The following ITPR2 variants were observed in gnomAD, a reference collection of about 807,000 sequenced individuals.
ITPR2 encodes the protein inositol 1,4,5-trisphosphate-gated calcium channel ITPR2.
Under a neutral mutation model 317.1 loss-of-function variants are expected in ITPR2, and 207 were observed. The observed-to-expected ratio is 0.65, with a 90% CI of 0.58 to 0.73. The LOEUF (loss-of-function observed/expected upper bound fraction) is 0.73. ITPR2 is among the 30% of genes least tolerant of loss of function. ITPR2 has a pLI of 0.00. For missense variants in ITPR2, 2,613 were observed against 3,284.0 expected (o/e 0.80, Z 4.99); for synonymous variants, 1,156 against 1,149.1 (o/e 1.01, Z -0.12).
chr12:26,497,984 C>T (rs949110668), intron 37 of ITPR2, among the ~76,000 whole-genome samples: 6 of 152,324 alleles, frequency 3.9e-5, no homozygotes, highest in African/African-American at 1.2e-4. Context: ...AATCTGCCGG[C>T]CTCAGCCTCC....
intron 10 of ITPR2, among the ~76,000 whole-genome samples, chr12:26,692,985 A>G (rs1948267943): frequency 6.6e-6 from 1 of 152,228 alleles, no homozygotes; most frequent in African/African-American, 2.4e-5. Flanking sequence ...TTTCTTCTTT[A>G]GACAGAAAAA....
Position 26,563,647 on chromosome 12 carries a change from T to C in ITPR2, c.4631-1695A>G, listed in dbSNP as rs557277004. Among the ~76,000 whole-genome samples the C allele has an allele frequency of 3.3e-5, 5 of 152,222 alleles. No individual in the cohort carries two copies. In the East Asian group the frequency reaches 9.6e-4, roughly 29 times the overall value. ...ATTCTCCAACTCCTGCGCAAAGCCC[T>C]CCTTACTTAACATTTACTGGTGTTC... On this transcript the variant is annotated intron_variant, in intron 34 of 56. Transcript: ENST00000381340.
chr12:26,688,358 C>T (rs1414426703), intron 10 of ITPR2, among the ~76,000 whole-genome samples: 1 of 152,056 alleles, frequency 6.6e-6, no homozygotes, highest in African/African-American at 2.4e-5. Context: ...TGAATTTATA[C>T]AAAGCTTCTC....
At chr12:26,770,222 C>G (rs980367586) in intron 2 of ITPR2, among the ~76,000 whole-genome samples, 2 of 152,158 alleles carry the variant, frequency 1.3e-5, no homozygotes, top group East Asian at 3.8e-4. Flanking sequence ...AGGTCTTTCT[C>G]CATCTTCCCA....
intron 37 of ITPR2, among the ~76,000 whole-genome samples, chr12:26,538,565 TTTTC>T (rs1944166444): frequency 7.4e-6 from 1 of 135,362 alleles, no homozygotes; most frequent in Admixed American, 7.2e-5. Flanking sequence ...TGTGATTTTT[TTTTC>T]TTTTTTTCTT....
chr12:26,615,142 C>T (rs948882331), intron 26 of ITPR2, among the ~76,000 whole-genome samples: 2 of 151,948 alleles, frequency 1.3e-5, no homozygotes, highest in African/African-American at 2.4e-5. Context: ...AAGATATGAG[C>T]GCATAATCAA....
In ITPR2 at chr12:26,550,259, GCTGT is replaced by G. The variant is rs1591887686; in HGVS notation, c.5057_5060del (p.Asp1686AlafsTer9). ...TTTAAAAAAATACCTCTTCCACAAA[GCTGT>G]CTTTCTTCTCTAACATTTCTCGTAA... is the stretch of plus-strand genomic sequence containing the variant. On this transcript the variant is annotated frameshift_variant, in exon 37 of 57. Transcript: ENST00000381340. LOFTEE classifies it high-confidence loss of function. 1 of 1,450,434 alleles carries G rather than the reference GCTGT, an allele frequency of 6.9e-7. No individual in the cohort carries two copies. The highest frequency in any genetic ancestry group is 9.5e-7 in the Non-Finnish European group (1 of 1,047,682). The allele number at this position is 1,450,434 out of a possible 1,614,324, so 89.8% of individuals were successfully genotyped here.
At position 26,399,055 on chromosome 12, in the gene ITPR2, A is replaced by AT. The variant is rs1397456699; in HGVS notation, c.7531-15dup. On this transcript the variant is annotated splice_polypyrimidine_tract_variant and intron_variant, in intron 53 of 56. Transcript: ENST00000381340. ...AAACAAGGGCTCCTGAAATAAAAAT[A>AT]TTTAAAAAAATCACACTAGGCATAG... 2 of 1,552,162 alleles carry AT rather than the reference A, an allele frequency of 1.3e-6. No homozygotes were observed. Among genetic ancestry groups the AT allele is most frequent in the African/African-American group, 2.8e-5 (2 of 71,660 alleles).
intron 52 of ITPR2, chr12:26,406,601 T>C (rs1940361803): frequency 6.6e-6 from 1 of 152,160 alleles, no homozygotes; most frequent in Non-Finnish European, 1.5e-5. Flanking sequence ...TGTATGTCTG[T>C]ACCTTTTGTA....
Position 26,599,345 on chromosome 12 carries a change from G to C in ITPR2, c.3802C>G (p.Leu1268Val). 1 of 1,613,656 alleles carries C rather than the reference G, an allele frequency of 6.2e-7. No homozygotes were observed. Among genetic ancestry groups the C allele is most frequent in the Non-Finnish European group, 8.5e-7 (1 of 1,179,600 alleles). Residue 1268 changes from leucine to valine, a missense_variant and splice_region_variant, in exon 30 of 57, where the codon CTC becomes GTC. Transcript: ENST00000381340. ...TGCCGCATGGTTTCTGCTTCAAGGA[G>C]CTAAACACAGAGGAACATGCCCTTG... ...KHLNLFLTPG[L>V]LEAETMRHIF...
chr12:26,810,799 A>G (rs1950723363), intron 1 of ITPR2, among the ~76,000 whole-genome samples: 1 of 152,208 alleles, frequency 6.6e-6, no homozygotes, highest in Admixed American at 6.5e-5. Context: ...TTGAAGAAAC[A>G]GCTAGACCAG....
rs1255320040 is a variant in ITPR2, at chr12:26,492,937, A to G, written c.5370+1216T>C. On this transcript the variant is annotated intron_variant, in intron 39 of 56. Transcript: ENST00000381340. The stretch of plus-strand genomic sequence containing the variant: ...TGTGTGTGTATATATATATATATAT[A>G]TATATAAAAGCATCAGATTGTACCC... 5.5e-4 allele frequency among the ~76,000 whole-genome samples: 83 copies of G among 151,268 alleles called. 1 individual carries two copies. The highest frequency in any genetic ancestry group is 1.3e-3 in the African/African-American group (55 of 41,134).
chr12:26,339,254 A>C lies in ITPR2; in HGVS notation c.*143T>G. 1 of 669,576 alleles carries C rather than the reference A, an allele frequency of 1.5e-6. No homozygotes were observed. Among genetic ancestry groups the C allele is most frequent in the Non-Finnish European group, 2.6e-6 (1 of 377,380 alleles). 41.5% of individuals were successfully genotyped at this position (669,576 alleles called of 1,614,324 possible). A position where few individuals can be genotyped will look rare whatever the true frequency, so the allele number is the denominator to read the frequency against. ...AAACACAGTTATAAATTGTTCTCGG[A>C]GCTAACCCACTCAACATCTTGGCAC... On this transcript the variant is annotated 3_prime_UTR_variant, in exon 57 of 57. Coordinates refer to ENST00000381340, the MANE Select transcript of ITPR2 (RefSeq NM_002223.4).
chr12:26,373,467 T>A (rs886626435), intron 55 of ITPR2: 12 of 152,218 alleles, frequency 7.9e-5, no homozygotes, highest in Admixed American at 7.2e-4. Flanking sequence ...ATAAACCACC[T>A]CTGAATTTGG....
intron 45 of ITPR2, among the ~76,000 whole-genome samples, chr12:26,459,205 T>C (rs1046983186): frequency 4.6e-5 from 7 of 152,312 alleles, no homozygotes; most frequent in Admixed American, 2.6e-4. Context: ...ATTGCATATA[T>C]TTAGGGAACA....
rs1463922972 is a variant in ITPR2 at position 26,596,979 on chromosome 12, T to C, written c.4158A>G (p.Thr1386=). ...ITLVELLAAC[T]EGKNVYTEIK... ...TTTCAGTGTAGACATTTTTCCCCTC[T>C]GTGCATGCTGCCAGCAACTCCACCA... Residue 1386 remains threonine (T), a synonymous_variant, in exon 31 of 57, where the codon ACA becomes ACG. Transcript: ENST00000381340. The C allele has an allele frequency of 1.2e-6, 2 of 1,613,600 alleles. No homozygotes were observed. Among genetic ancestry groups the C allele is most frequent in the South Asian group, 1.1e-5 (1 of 90,962 alleles).
rs1173915337 is a variant in ITPR2 at position 26,587,503 on chromosome 12, G to A, written c.4381-7348C>T. On this transcript the variant is annotated intron_variant, in intron 32 of 56. Transcript: ENST00000381340. ...CATCCCTGGAAAATGTACAGTTGCT[G>A]AGATAGGAATGCATTTGGCATACCT... Among the ~76,000 whole-genome samples, 4 of 152,256 alleles carry A rather than the reference G, an allele frequency of 2.6e-5. No homozygotes were observed. The East Asian group carries it at 7.7e-4, about 29-fold the overall frequency.
At chr12:26,712,342 T>C (rs1312676751) in intron 8 of ITPR2, among the ~76,000 whole-genome samples, 1 of 152,158 alleles carries the variant, frequency 6.6e-6, no homozygotes, top group African/African-American at 2.4e-5. Flanking sequence ...TGTGTTAACA[T>C]ACTTCACTTG....
chr12:26,738,323 A>T (rs1949166082), intron 2 of ITPR2, among the ~76,000 whole-genome samples: 3 of 152,214 alleles, frequency 2.0e-5, no homozygotes, highest in Non-Finnish European at 4.4e-5. Context: ...GAACAGTAAA[A>T]TATTAAAGAA....
Sources: gnomAD v4.1 joint callset for allele counts (sites outside exome capture counted in the v4.1 genomes callset) on GRCh38, gnomAD v4.1.1 for gene constraint, MANE v1.5 for transcripts, NCBI Gene and HGNC (gene_info 2026-07-23, HGNC 2026-07-21) for gene names.